GLIS3: variants seen among roughly 807,000 people sequenced by gnomAD.
GLIS3 encodes the protein GLIS family zinc finger 3.
GLIS3 carries 53 observed loss-of-function variants against 78.6 expected under a neutral mutation model. The ratio of observed to expected loss-of-function variants is 0.67; its 90% CI spans 0.54 to 0.85. GLIS3 has a LOEUF of 0.85. GLIS3 is among the 40% of genes least tolerant of loss of function. GLIS3 has a pLI of 0.00. For missense variants in GLIS3, 1,703 were observed against 1,231.1 expected (o/e 1.38, Z -5.74); for synonymous variants, 684 against 509.9 (o/e 1.34, Z -4.60).
At chr9:4,097,426 G>C (rs920156589) in intron 4 of GLIS3, among the ~76,000 whole-genome samples, 6 of 152,022 alleles carry the variant, frequency 3.9e-5, no homozygotes, top group Admixed American at 3.3e-4. Context: ...GAAGGGGTGG[G>C]CTCAGCTGAT....
intron 4 of GLIS3, among the ~76,000 whole-genome samples, chr9:3,980,195 T>G (rs1490449978): frequency 1.1e-4 from 17 of 152,214 alleles, no homozygotes; most frequent in Admixed American, 1.1e-3. Flanking sequence ...AAAAAAATTT[T>G]TTTCCAACAC....
intron 4 of GLIS3, among the ~76,000 whole-genome samples, chr9:3,942,188 A>G (rs1462785130): frequency 6.6e-6 from 1 of 152,204 alleles, no homozygotes; most frequent in Admixed American, 6.5e-5. Context: ...GATGTCAACT[A>G]AACCCAAACA....
intron 4 of GLIS3, among the ~76,000 whole-genome samples, chr9:4,056,074 C>T (rs560118268): frequency 6.6e-6 from 1 of 152,278 alleles, no homozygotes; most frequent in African/African-American, 2.4e-5. Flanking sequence ...CTATGTCTGT[C>T]CCTATTGTAG....
rs190746763 is a variant in GLIS3, at chr9:4,244,015, C to T, written c.388+42023G>A. Among the ~76,000 whole-genome samples, 478 of 152,346 alleles carry T rather than the reference C, an allele frequency of 3.1e-3. 3 individuals carry two copies. Among genetic ancestry groups the T allele is most frequent in the Middle Eastern group, 0.01 (3 of 294 alleles). On this transcript the variant is annotated intron_variant, in intron 2 of 10. Coordinates refer to ENST00000381971, the MANE Select transcript of GLIS3 (RefSeq NM_001042413.2). ...CCATTCCCTGCCTTCTCCTTACTCT[C>T]GCCTCAACCCCCATGCACATACGTG...
chr9:4,367,185 G>T, the GLIS3 span, among the ~76,000 whole-genome samples: 10,660 of 152,214 alleles, frequency 0.07, 442 homozygotes, highest in Non-Finnish European at 0.078. Flanking sequence ...ATCATGGCTT[G>T]TAAGCCGCCG....
intron 4 of GLIS3, among the ~76,000 whole-genome samples, chr9:3,978,627 T>C (rs1385250405): frequency 6.6e-6 from 1 of 151,566 alleles, no homozygotes; most frequent in Non-Finnish European, 1.5e-5. Context: ...TGTATATGTG[T>C]GTATATATAT....
At chr9:3,900,125 G>C (rs1823178464) in intron 6 of GLIS3, among the ~76,000 whole-genome samples, 2 of 151,266 alleles carry the variant, frequency 1.3e-5, no homozygotes, top group South Asian at 4.2e-4. Context: ...AGAGATAAAA[G>C]GTGGGGAGGT....
At chr9:4,274,253 G>C (rs1483795273) in intron 2 of GLIS3, among the ~76,000 whole-genome samples, 2 of 152,180 alleles carry the variant, frequency 1.3e-5, no homozygotes, top group Non-Finnish European at 1.5e-5. Flanking sequence ...TACATAATTT[G>C]TGGGGACCAG....
At chr9:4,282,750 T>TATAC (rs149726024) in intron 2 of GLIS3, among the ~76,000 whole-genome samples, 23 of 151,848 alleles carry the variant, frequency 1.5e-4, no homozygotes, top group African/African-American at 5.3e-4. Flanking sequence ...TTTATATATA[T>TATAC]ACACACACAC....
At chr9:4,479,453 T>G in the GLIS3 span, among the ~76,000 whole-genome samples, 1 of 152,116 alleles carries the variant, frequency 6.6e-6, no homozygotes, top group Non-Finnish European at 1.5e-5. Flanking sequence ...GGCATTTACC[T>G]ACACCTCACT....
intron 2 of GLIS3, among the ~76,000 whole-genome samples, chr9:4,174,258 A>C (rs1018129873): frequency 1.1e-4 from 17 of 152,358 alleles, no homozygotes; most frequent in Admixed American, 1.3e-4. Context: ...TCAGCAAAGT[A>C]AACAGGTTTC....
chr9:3,908,604 G>C (rs1309896678), intron 6 of GLIS3, among the ~76,000 whole-genome samples: 1 of 151,692 alleles, frequency 6.6e-6, no homozygotes, highest in Non-Finnish European at 1.5e-5. Context: ...ATCAAGGTTT[G>C]ACAAGGTTAC....
chr9:4,258,709 T>C (rs1034489784), intron 2 of GLIS3, among the ~76,000 whole-genome samples: 1 of 152,042 alleles, frequency 6.6e-6, no homozygotes, highest in African/African-American at 2.4e-5. Context: ...GAACTGGGGG[T>C]GATCTTATGT....
chr9:3,833,963 A>G (rs1037818902), intron 9 of GLIS3, among the ~76,000 whole-genome samples: 2 of 152,226 alleles, frequency 1.3e-5, no homozygotes, highest in Non-Finnish European at 2.9e-5. Context: ...GAGGCTAATT[A>G]TAAACTAGAA....
intron 4 of GLIS3, among the ~76,000 whole-genome samples, chr9:4,077,905 T>C (rs1828215792): frequency 6.6e-6 from 1 of 152,190 alleles, no homozygotes; most frequent in Non-Finnish European, 1.5e-5. Context: ...TTTTAATAAT[T>C]CCAATCTCTT....
intron 4 of GLIS3, among the ~76,000 whole-genome samples, chr9:3,956,870 C>A (rs1404496310): frequency 1.3e-5 from 2 of 152,178 alleles, no homozygotes; most frequent in African/African-American, 4.8e-5. Context: ...CCAAAAAGGG[C>A]AGGCTTCTGC....
At chr9:4,095,954 A>T (rs1343203137) in intron 4 of GLIS3, among the ~76,000 whole-genome samples, 1 of 151,272 alleles carries the variant, frequency 6.6e-6, no homozygotes, top group Non-Finnish European at 1.5e-5. Context: ...GGTTCTGCCT[A>T]CAAAAATGGG....
chr9:4,393,908 C>T, the GLIS3 span, among the ~76,000 whole-genome samples: 7,685 of 151,980 alleles, frequency 0.051, 629 homozygotes, highest in African/African-American at 0.18. Flanking sequence ...TATAATGATC[C>T]TTTCTATGAC....
At chr9:4,092,607 G>A (rs1829616361) in intron 4 of GLIS3, among the ~76,000 whole-genome samples, 1 of 152,046 alleles carries the variant, frequency 6.6e-6, no homozygotes, top group Non-Finnish European at 1.5e-5. Flanking sequence ...CCTACACAGG[G>A]TCATGATCAT....
Sources: gnomAD v4.1 joint callset for allele counts (sites outside exome capture counted in the v4.1 genomes callset) on GRCh38, gnomAD v4.1.1 for gene constraint, MANE v1.5 for transcripts, NCBI Gene and HGNC (gene_info 2026-07-23, HGNC 2026-07-21) for gene names.